FRMD3: variants seen among roughly 807,000 people sequenced by gnomAD.
FRMD3 encodes FERM domain containing 3.
Under a neutral mutation model 70.2 loss-of-function variants are expected in FRMD3, and 33 were observed. That is an observed-to-expected ratio of 0.47 (90% CI 0.36 to 0.63). FRMD3 has a LOEUF of 0.63. Ranked by LOEUF, FRMD3 falls within the 20% of genes least tolerant of loss-of-function variation. The pLI is 0.00. For synonymous variants in FRMD3, 279 were observed against 255.9 expected (o/e 1.09, Z -0.86); for missense variants, 632 against 711.4 (o/e 0.89, Z 1.27).
chr9:83,568,788 C>T, the FRMD3 span, among the ~76,000 whole-genome samples: 2 of 152,038 alleles, frequency 1.3e-5, no homozygotes, highest in East Asian at 3.9e-4. Flanking sequence ...TCAGATGTCT[C>T]AGTGTAAAAA....
At position 83,245,472 on chromosome 9, in the gene FRMD3, T is replaced by G; in HGVS notation, c.*2446A>C. On this transcript the variant is annotated 3_prime_UTR_variant, in exon 14 of 14. Transcript: ENST00000304195. ...ACCCTATTCTGTCAACTTCTTCACT[T>G]AAAAACATTTCTATTCAACAATGAA... 1 of 984,702 alleles carries G rather than the reference T, an allele frequency of 1.0e-6. No individual in the cohort carries two copies. Among genetic ancestry groups the G allele is most frequent in the East Asian group, 1.1e-4 (1 of 8,812 alleles). The allele number at this position is 984,702 out of a possible 1,614,324, so 61.0% of individuals were successfully genotyped here. A position where few individuals can be genotyped will look rare whatever the true frequency, so the allele number is the denominator to read the frequency against.
At position 83,245,536 on chromosome 9, in the gene FRMD3, TTAAAA is replaced by T. The variant is rs1832051811; in HGVS notation, c.*2377_*2381del. On this transcript the variant is annotated 3_prime_UTR_variant, in exon 14 of 14. Transcript: ENST00000304195. ...AGAAAAGAGATGTTAGCTGGAAATG[TTAAAA>T]TAATATATTTATTACTCCTTAAGAT... The T allele has an allele frequency of 1.0e-6, 1 of 955,786 alleles. No homozygotes were observed. Among genetic ancestry groups the T allele is most frequent in the African/African-American group, 1.8e-5 (1 of 56,604 alleles). 59.2% of individuals were successfully genotyped at this position (955,786 alleles called of 1,614,324 possible). A position where few individuals can be genotyped will look rare whatever the true frequency, so the allele number is the denominator to read the frequency against.
chr9:83,441,999 A>G (rs1222847796), intron 1 of FRMD3, among the ~76,000 whole-genome samples: 1 of 152,220 alleles, frequency 6.6e-6, no homozygotes, highest in Non-Finnish European at 1.5e-5. Flanking sequence ...GACCTAGTAC[A>G]GCATAAAGAA....
intron 1 of FRMD3, among the ~76,000 whole-genome samples, chr9:83,407,505 C>CCTA (rs1409430202): frequency 1.3e-5 from 2 of 152,172 alleles, no homozygotes; most frequent in East Asian, 3.8e-4. Context: ...CTCCACAATC[C>CCTA]CTACCCTCCT....
At chr9:83,488,972 TTGTGTGTGTGTGTGTG>T (rs4014025) in intron 1 of FRMD3, among the ~76,000 whole-genome samples, 9,225 of 135,622 alleles carry the variant, frequency 0.068, 348 homozygotes, top group East Asian at 0.2. Flanking sequence ...CCCTATACCT[TTGTGTGTGTGTGTGTG>T]TGTGTGTGTG....
intron 1 of FRMD3, among the ~76,000 whole-genome samples, chr9:83,505,274 T>C (rs1243987958): frequency 6.6e-6 from 1 of 152,212 alleles, no homozygotes; most frequent in African/African-American, 2.4e-5. Context: ...TCAGAACTGC[T>C]ACTCAAAAGG....
intron 1 of FRMD3, among the ~76,000 whole-genome samples, chr9:83,426,014 T>C (rs1371838445): frequency 8.6e-5 from 13 of 151,586 alleles, no homozygotes; most frequent in Non-Finnish European, 2.9e-5. Flanking sequence ...AAGAAATGTG[T>C]GCACATGTGC....
chr9:83,349,847 G>C (rs1824087420), intron 3 of FRMD3, 90 bp from the exon 4 acceptor site: 1 of 959,902 alleles, frequency 1.0e-6, no homozygotes, highest in African/African-American at 1.6e-5. Context: ...CAGCCTGACA[G>C]ACTAGCCTGG....
At chr9:83,433,409 T>C (rs1827038619) in intron 1 of FRMD3, among the ~76,000 whole-genome samples, 1 of 152,174 alleles carries the variant, frequency 6.6e-6, no homozygotes, top group East Asian at 1.9e-4. Context: ...CTTGTCCCTC[T>C]CATGTTTTCC....
In FRMD3 at chr9:83,278,934, C is replaced by T. The variant is rs73479783; in HGVS notation, c.1195+11669G>A. 3.8e-3 allele frequency among the ~76,000 whole-genome samples: 577 copies of T among 152,294 alleles called. 4 individuals are homozygous for T. Among genetic ancestry groups the T allele is most frequent in the African/African-American group, 0.013 (548 of 41,558 alleles). On this transcript the variant is annotated intron_variant, in intron 13 of 13. Coordinates refer to ENST00000304195, the MANE Select transcript of FRMD3 (RefSeq NM_174938.6). Reference sequence around the variant, plus strand: ...CTCAGTTCCCTCCCCAGTAAGGGTACAATTGGTCCTAGAGCTGGGGTGGGG... The same window carrying T: ...CTCAGTTCCCTCCCCAGTAAGGGTATAATTGGTCCTAGAGCTGGGGTGGGG...
intron 5 of FRMD3, among the ~76,000 whole-genome samples, chr9:83,339,967 T>C (rs1376831386): frequency 1.3e-5 from 2 of 152,114 alleles, no homozygotes; most frequent in East Asian, 3.9e-4. Context: ...AATTTAAACG[T>C]TAAATGGTTG....
At chr9:83,563,731 T>C in the FRMD3 span, among the ~76,000 whole-genome samples, 18,638 of 152,162 alleles carry the variant, frequency 0.12, 1,725 homozygotes, top group African/African-American at 0.26. Context: ...AGGAAGAAGA[T>C]GTCTTTCTGC....
intron 10 of FRMD3, among the ~76,000 whole-genome samples, chr9:83,307,974 C>T (rs1177519732): frequency 5.3e-5 from 8 of 152,168 alleles, no homozygotes; most frequent in Non-Finnish European, 1.0e-4. Context: ...TGGTCTCCTT[C>T]CTTATCAGTC....
intron 13 of FRMD3, among the ~76,000 whole-genome samples, chr9:83,258,820 T>G (rs1425873905): frequency 6.6e-6 from 1 of 152,208 alleles, no homozygotes; most frequent in Non-Finnish European, 1.5e-5. Context: ...CCTTACTTCC[T>G]GCTCTCTCCC....
chr9:83,366,611 G>A (rs1330373600), intron 3 of FRMD3, among the ~76,000 whole-genome samples: 2 of 152,080 alleles, frequency 1.3e-5, no homozygotes, highest in African/African-American at 4.8e-5. Flanking sequence ...CAGATCCTGA[G>A]TTACCCTGAA....
At chr9:83,341,287 T>C (rs1351990945) in intron 5 of FRMD3, among the ~76,000 whole-genome samples, 1 of 152,164 alleles carries the variant, frequency 6.6e-6, no homozygotes, top group African/African-American at 2.4e-5. Flanking sequence ...TTCTCCACAG[T>C]GTCTGTGTGA....
intron 6 of FRMD3, among the ~76,000 whole-genome samples, chr9:83,326,981 T>C (rs1205742292): frequency 1.3e-5 from 2 of 152,210 alleles, no homozygotes; most frequent in African/African-American, 2.4e-5. Flanking sequence ...TACCATTACA[T>C]ACAGTACAAA....
chr9:83,352,429 C>T (rs764098701), intron 3 of FRMD3, among the ~76,000 whole-genome samples: 1 of 152,146 alleles, frequency 6.6e-6, no homozygotes, highest in South Asian at 2.1e-4. Context: ...TCCTCAGATA[C>T]AAATAGTGAC....
upstream of FRMD3, among the ~76,000 whole-genome samples, chr9:83,540,567 C>T (rs1472259246): frequency 2.0e-5 from 3 of 152,268 alleles, no homozygotes; most frequent in East Asian, 3.9e-4. Flanking sequence ...GGCATGACAG[C>T]TAGGTAAATT....
Sources: allele counts gnomAD v4.1 joint callset (sites outside exome capture counted in the v4.1 genomes callset), GRCh38; gene constraint gnomAD v4.1.1; transcripts MANE v1.5; gene names NCBI Gene and HGNC (gene_info 2026-07-23, HGNC 2026-07-21).